The following KCNMA1 variants were observed in gnomAD, a reference collection of about 807,000 sequenced individuals.
KCNMA1 encodes Calcium-activated potassium channel subunit alpha-1.
KCNMA1 carries 29 observed loss-of-function variants against 140.0 expected under a neutral mutation model. The observed-to-expected ratio is 0.21, with a 90% CI of 0.15 to 0.28. The LOEUF (loss-of-function observed/expected upper bound fraction) is 0.28. Ranked by LOEUF, KCNMA1 falls within the 10% of genes least tolerant of loss-of-function variation. The pLI, the probability that KCNMA1 is intolerant of heterozygous loss-of-function variation, is 1.00. For missense variants in KCNMA1, 880 were observed against 1,602.2 expected, an observed-to-expected ratio of 0.55 and a Z score of 7.70; for synonymous variants, 612 against 611.9, an observed-to-expected ratio of 1.00 and a Z score of 0.00.
chr10:77,088,985 C>T (rs987473316), intron 10 of KCNMA1, among the ~76,000 whole-genome samples: 2 of 152,194 alleles, frequency 1.3e-5, no homozygotes, highest in South Asian at 4.1e-4. Context: ...AAATGCCCAA[C>T]TCATGTGGGG....
intron 3 of KCNMA1, among the ~76,000 whole-genome samples, chr10:77,242,165 A>T (rs1051107507): frequency 6.6e-6 from 1 of 152,234 alleles, no homozygotes; most frequent in Admixed American, 6.5e-5. Context: ...GATGGAGTGG[A>T]TGCCATTCAG....
intron 18 of KCNMA1, among the ~76,000 whole-genome samples, chr10:77,008,771 C>G (rs548620934): frequency 6.6e-6 from 1 of 152,158 alleles, no homozygotes; most frequent in Non-Finnish European, 1.5e-5. Context: ...TGGACTAACA[C>G]GTTTGGACAG....
intron 3 of KCNMA1, among the ~76,000 whole-genome samples, chr10:77,196,870 T>C (rs2040664370): frequency 6.6e-6 from 1 of 152,184 alleles, no homozygotes; most frequent in South Asian, 2.1e-4. Flanking sequence ...GCAAAGTATC[T>C]ATTTGAAATG....
intron 25 of KCNMA1, among the ~76,000 whole-genome samples, chr10:76,894,136 C>A (rs2041487240): frequency 1.3e-5 from 2 of 152,048 alleles, no homozygotes; most frequent in African/African-American, 2.4e-5. Context: ...ACCTATAGAC[C>A]AATGGAAAAT....
chr10:77,013,470 C>G (rs1289964175), intron 17 of KCNMA1, among the ~76,000 whole-genome samples: 5 of 152,132 alleles, frequency 3.3e-5, no homozygotes, highest in Non-Finnish European at 5.9e-5. Context: ...ACTGTTGACC[C>G]TGAGTGGCAA....
At chr10:77,366,412 G>A (rs1000106090) in intron 2 of KCNMA1, among the ~76,000 whole-genome samples, 2 of 152,042 alleles carry the variant, frequency 1.3e-5, no homozygotes, top group East Asian at 1.9e-4. Flanking sequence ...TAGGTGATCC[G>A]CCCACCTCAG....
intron 13 of KCNMA1, among the ~76,000 whole-genome samples, chr10:77,076,302 C>T (rs897286042): frequency 1.3e-5 from 2 of 152,136 alleles, no homozygotes; most frequent in African/African-American, 2.4e-5. Context: ...GGTAAATCAT[C>T]AGGAGTGATA....
chr10:77,449,719 T>C (rs1347799063), intron 1 of KCNMA1, among the ~76,000 whole-genome samples: 1 of 150,738 alleles, frequency 6.6e-6, no homozygotes, highest in African/African-American at 2.4e-5. Context: ...GTCAGCCCAC[T>C]GCAAGCTCCA....
intron 14 of KCNMA1, among the ~76,000 whole-genome samples, chr10:77,055,262 GA>G (rs1480015351): frequency 6.6e-6 from 1 of 152,114 alleles, no homozygotes; most frequent in East Asian, 1.9e-4. Context: ...ACCCGAATTA[GA>G]AATACCACCA....
At chr10:77,238,046 G>T (rs1344743385) in intron 3 of KCNMA1, among the ~76,000 whole-genome samples, 1 of 152,166 alleles carries the variant, frequency 6.6e-6, no homozygotes, top group Non-Finnish European at 1.5e-5. Context: ...AACTGTCACA[G>T]TCGGCTGGCT....
intron 1 of KCNMA1, among the ~76,000 whole-genome samples, chr10:77,506,725 A>AGAGAGAGT (rs1555400735): frequency 3.0e-5 from 4 of 133,680 alleles, no homozygotes; most frequent in African/African-American, 1.2e-4. Flanking sequence ...AGAGAGAGAG[A>AGAGAGAGT]GTGTGTGTGT....
At position 76,980,518 on chromosome 10, in the gene KCNMA1, T is replaced by G. The variant is rs79592768; in HGVS notation, c.2267-10451A>C. The G allele has an allele frequency of 7.5e-3, 1,136 of 152,322 alleles. 10 individuals carry two copies. Among genetic ancestry groups the G allele is most frequent in the African/African-American group, 0.026 (1,071 of 41,558 alleles). 9.4% of individuals were successfully genotyped at this position (152,322 alleles called of 1,614,324 possible). A position where few individuals can be genotyped will look rare whatever the true frequency, so the allele number is the denominator to read the frequency against. ...AACTACTGTCCCCAGTGTGCTGAGC[T>G]TGGCACCACCCTGCTGATACACAGG... On this transcript the variant is annotated intron_variant, in intron 19 of 27. Transcript: ENST00000286628.
intron 11 of KCNMA1, among the ~76,000 whole-genome samples, chr10:77,085,010 C>T (rs949152398): frequency 6.6e-6 from 1 of 152,138 alleles, no homozygotes; most frequent in Non-Finnish European, 1.5e-5. Context: ...CTTTAAATAA[C>T]AATTAATTAA....
intron 1 of KCNMA1, among the ~76,000 whole-genome samples, chr10:77,440,964 G>A (rs928338141): frequency 2.0e-5 from 3 of 151,854 alleles, no homozygotes; most frequent in Non-Finnish European, 2.9e-5. Flanking sequence ...GACTGCAGGC[G>A]CCAGCCACCA....
intron 2 of KCNMA1, among the ~76,000 whole-genome samples, chr10:77,253,797 G>A (rs2060140141): frequency 6.6e-6 from 1 of 152,192 alleles, no homozygotes; most frequent in Non-Finnish European, 1.5e-5. Context: ...AATGCTCCCT[G>A]GGGAGATGAT....
intron 1 of KCNMA1, among the ~76,000 whole-genome samples, chr10:77,495,883 C>G (rs1183037663): frequency 6.6e-6 from 1 of 152,170 alleles, no homozygotes; most frequent in Admixed American, 6.5e-5. Flanking sequence ...CACCAGTACC[C>G]CCGCGGTTCC....
chr10:77,465,268 A>G (rs1374889402), intron 1 of KCNMA1, among the ~76,000 whole-genome samples: 1 of 152,200 alleles, frequency 6.6e-6, no homozygotes, highest in Non-Finnish European at 1.5e-5. Context: ...TGGAGATTCA[A>G]CTAAGTGCAA....
intron 2 of KCNMA1, chr10:77,315,781 CAG>C (rs2080704630): frequency 6.6e-6 from 1 of 152,168 alleles, no homozygotes; most frequent in African/African-American, 2.4e-5. Context: ...GTGGGATAAT[CAG>C]GGGATTTGTT....
chr10:77,058,336 A>G (rs1209726377), intron 14 of KCNMA1, among the ~76,000 whole-genome samples: 1 of 152,136 alleles, frequency 6.6e-6, no homozygotes, highest in Non-Finnish European at 1.5e-5. Flanking sequence ...TCCTTCTCGT[A>G]GTAAGATGCA....
Sources: allele counts gnomAD v4.1 joint callset (sites outside exome capture counted in the v4.1 genomes callset), GRCh38; gene constraint gnomAD v4.1.1; transcripts MANE v1.5; gene names NCBI Gene and HGNC (gene_info 2026-07-23, HGNC 2026-07-21).